ZNF567: variants seen among roughly 807,000 people sequenced by gnomAD.
ZNF567 encodes the protein zinc finger protein 567.
In ZNF567, 36 loss-of-function variants were observed where a neutral mutation model predicts 53.9. The observed-to-expected ratio is 0.67, with a 90% CI of 0.51 to 0.88. ZNF567 has a LOEUF of 0.88. Ranked by LOEUF, ZNF567 falls within the 40% of genes least tolerant of loss-of-function variation. ZNF567 has a pLI of 0.00. For missense variants in ZNF567, 619 were observed against 764.7 expected (o/e 0.81, Z 2.25); for synonymous variants, 224 against 260.4 (o/e 0.86, Z 1.35).
chr19:36,726,377 C>G (rs2145941469), downstream of ZNF567, among the ~76,000 whole-genome samples: 1 of 152,064 alleles, frequency 6.6e-6, no homozygotes, highest in East Asian at 1.9e-4. Context: ...TTATTTAAAC[C>G]TGTTTTAGCT....
At chr19:36,684,566 C>T (rs541615384), upstream of ZNF567, among the ~76,000 whole-genome samples, 2 of 152,156 alleles carry the variant, frequency 1.3e-5, no homozygotes, top group South Asian at 4.1e-4. Flanking sequence ...ATTTTATACA[C>T]AACGAGTTCC....
chr19:36,715,726 T>A (rs1258472568), intron 5 of ZNF567, among the ~76,000 whole-genome samples: 2 of 148,668 alleles, frequency 1.3e-5, no homozygotes, highest in South Asian at 4.3e-4. Context: ...ATGGGGCTTC[T>A]CCATGTTGGT....
At chr19:36,691,842 CT>C (rs1177596092) in intron 2 of ZNF567, among the ~76,000 whole-genome samples, 2 of 152,278 alleles carry the variant, frequency 1.3e-5, no homozygotes, top group African/African-American at 4.8e-5. Flanking sequence ...GAGACAGAGT[CT>C]CACTATGTTG....
At chr19:36,677,495 G>A in the ZNF567 span, among the ~76,000 whole-genome samples, 5 of 141,344 alleles carry the variant, frequency 3.5e-5, no homozygotes, top group South Asian at 1.1e-3. Context: ...GGCCAGGCAT[G>A]GTGGTTCATG....
chr19:36,710,710 ACGT>A (rs1233536548), intron 3 of ZNF567, among the ~76,000 whole-genome samples: 1 of 152,060 alleles, frequency 6.6e-6, no homozygotes, highest in Non-Finnish European at 1.5e-5. Context: ...TTGGGGGCTC[ACGT>A]CCTGCATTTC....
At chr19:36,710,712 G>A (rs911321384) in intron 3 of ZNF567, among the ~76,000 whole-genome samples, 1 of 151,988 alleles carries the variant, frequency 6.6e-6, no homozygotes, top group African/African-American at 2.4e-5. Context: ...GGGGGCTCAC[G>A]TCCTGCATTT....
intron 3 of ZNF567, among the ~76,000 whole-genome samples, chr19:36,701,872 T>TTC (rs202234164): frequency 1.3e-4 from 1 of 7,634 alleles, no homozygotes; most frequent in African/African-American, 8.0e-4. Flanking sequence ...GTCTTGACTC[T>TTC]ATCCAATTTG....
At chr19:36,676,512 C>T in the ZNF567 span, among the ~76,000 whole-genome samples, 24 of 152,070 alleles carry the variant, frequency 1.6e-4, no homozygotes, top group African/African-American at 5.3e-4. Flanking sequence ...ATGTATACCC[C>T]ACCCTCCCAT....
At chr19:36,703,936 A>G (rs558986825) in intron 3 of ZNF567, among the ~76,000 whole-genome samples, 2 of 152,304 alleles carry the variant, frequency 1.3e-5, no homozygotes, top group South Asian at 2.1e-4. Flanking sequence ...CGCTGCACCC[A>G]CTGTCCTGCG....
At chr19:36,693,251 G>T (rs1241059051) in intron 2 of ZNF567, among the ~76,000 whole-genome samples, 1 of 152,096 alleles carries the variant, frequency 6.6e-6, no homozygotes, top group Non-Finnish European at 1.5e-5. Context: ...ATAGGCCACT[G>T]CACTCCATCC....
the ZNF567 span, among the ~76,000 whole-genome samples, chr19:36,679,958 A>G: frequency 1.3e-5 from 2 of 152,206 alleles, no homozygotes; most frequent in South Asian, 2.1e-4. Flanking sequence ...ATATTTCAAA[A>G]TAGCTAAAAG....
intron 2 of ZNF567, among the ~76,000 whole-genome samples, chr19:36,690,026 C>T (rs2145540573): frequency 6.6e-6 from 1 of 152,276 alleles, no homozygotes; most frequent in South Asian, 2.1e-4. Context: ...GAATGAAGTT[C>T]TCTTAGAATT....
chr19:36,717,995 T>C, intron 5 of ZNF567, among the ~76,000 whole-genome samples: 1 of 152,236 alleles, frequency 6.6e-6, no homozygotes, highest in East Asian at 1.9e-4. Flanking sequence ...TATTCTGATC[T>C]TTTTTAAAGT....
At chr19:36,673,030 T>A in the ZNF567 span, among the ~76,000 whole-genome samples, 1 of 152,226 alleles carries the variant, frequency 6.6e-6, no homozygotes, top group Non-Finnish European at 1.5e-5. Flanking sequence ...CCCTTTCATA[T>A]CTCTTTATCA....
chr19:36,703,002 T>G (rs2039289402), intron 3 of ZNF567, among the ~76,000 whole-genome samples: 1 of 152,240 alleles, frequency 6.6e-6, no homozygotes, highest in Non-Finnish European at 1.5e-5. Flanking sequence ...AGAGGTGCTC[T>G]GCTTTTTAGA....
chr19:36,680,287 A>T, the ZNF567 span, among the ~76,000 whole-genome samples: 2 of 152,206 alleles, frequency 1.3e-5, no homozygotes, highest in Non-Finnish European at 1.5e-5. Flanking sequence ...CTGAGTATTA[A>T]AAAACAGAAT....
chr19:36,708,178 C>G (rs1419249877), intron 3 of ZNF567, among the ~76,000 whole-genome samples: 1 of 152,268 alleles, frequency 6.6e-6, no homozygotes, highest in African/African-American at 2.4e-5. Flanking sequence ...GCATGAGCCA[C>G]TGTGCCCAGC....
chr19:36,694,745 G>T, intron 2 of ZNF567, 57 bp from the exon 3 acceptor site: 1 of 815,714 alleles, frequency 1.2e-6, no homozygotes, highest in Non-Finnish European at 1.9e-6. Context: ...AATTATAAGA[G>T]CTGTGAGGCA....
chr19:36,690,754 A>G (rs2038559708), intron 2 of ZNF567, among the ~76,000 whole-genome samples: 2 of 152,222 alleles, frequency 1.3e-5, no homozygotes, highest in Admixed American at 1.3e-4. Context: ...GTTTGTGAAT[A>G]TACCAACAAC....
Sources: gnomAD v4.1 joint callset for allele counts (sites outside exome capture counted in the v4.1 genomes callset) on GRCh38, gnomAD v4.1.1 for gene constraint, MANE v1.5 for transcripts, NCBI Gene and HGNC (gene_info 2026-07-23, HGNC 2026-07-21) for gene names.